The following EFCAB6 variants were observed in gnomAD, a reference collection of about 807,000 sequenced individuals.
EFCAB6 encodes the protein EF-hand calcium binding domain 6.
In EFCAB6, 156 loss-of-function variants were observed where a neutral mutation model predicts 169.8. That is an observed-to-expected ratio of 0.92 (90% CI 0.81 to 1.05). EFCAB6 has a LOEUF of 1.05. Among genes scored for constraint, EFCAB6 ranks in the 50% least tolerant of loss-of-function variants. The pLI is 0.00. For missense variants in EFCAB6, 1,800 were observed against 1,829.1 expected (o/e 0.98, Z 0.29); for synonymous variants, 698 against 676.4 (o/e 1.03, Z -0.50).
chr22:43,788,903 A>G (rs558192743), intron 2 of EFCAB6, among the ~76,000 whole-genome samples: 1 of 152,368 alleles, frequency 6.6e-6, no homozygotes, highest in South Asian at 2.1e-4. Flanking sequence ...TTCAGCCCTA[A>G]AAAGGAATGA....
intron 3 of EFCAB6, among the ~76,000 whole-genome samples, chr22:43,778,564 T>C (rs369629965): frequency 8.3e-4 from 126 of 152,004 alleles, no homozygotes; most frequent in Middle Eastern, 3.4e-3. Flanking sequence ...AGGCCTCCCA[T>C]GAAACCCCCC....
At chr22:43,535,997 C>G (rs1457367536) in intron 29 of EFCAB6, 1 of 152,222 alleles carries the variant, frequency 6.6e-6, no homozygotes, top group Non-Finnish European at 1.5e-5. Flanking sequence ...GGAGAAAATA[C>G]AGAATGACTT....
intron 22 of EFCAB6, among the ~76,000 whole-genome samples, chr22:43,601,700 GGGGAA>G (rs1481941732): frequency 6.6e-6 from 1 of 152,248 alleles, no homozygotes; most frequent in African/African-American, 2.4e-5. Context: ...TTGTCCTCAA[GGGGAA>G]GGGGTGGCAG....
rs1187393551 is a variant in EFCAB6 at position 43,576,343 on chromosome 22, A to C, written c.3374T>G (p.Ile1125Arg). Residue 1125 changes from isoleucine to arginine, a missense_variant, in exon 26 of 32, where the codon ATA (isoleucine) becomes AGA (arginine). By Grantham distance (97) the Ile-to-Arg change is moderately conservative. Transcript: ENST00000262726. ...RKLRIHLTPY[I>R]NWKYFLQNFS... ...GTTCTGGAGAAAATATTTCCAATTTATATAGGGGGTTAGATGAATTCTTAG... is the reference window on the plus strand; with the variant it reads ...GTTCTGGAGAAAATATTTCCAATTTCTATAGGGGGTTAGATGAATTCTTAG... 6.2e-7 allele frequency: 1 copy of C among 1,600,144 alleles called. No homozygotes were observed. The highest frequency in any genetic ancestry group is 1.8e-5 in the Admixed American group (1 of 55,706).
chr22:43,594,289 A>C (rs1331689971), intron 23 of EFCAB6, among the ~76,000 whole-genome samples: 1 of 150,864 alleles, frequency 6.6e-6, no homozygotes, highest in Non-Finnish European at 1.5e-5. Flanking sequence ...AAAAAAAAAA[A>C]AAAAAAAAAG....
At chr22:43,751,892 C>T (rs2060781997) in intron 6 of EFCAB6, among the ~76,000 whole-genome samples, 1 of 152,162 alleles carries the variant, frequency 6.6e-6, no homozygotes, top group African/African-American at 2.4e-5. Flanking sequence ...TCATGGGGTT[C>T]ACCTGGGAAT....
At chr22:43,724,117 A>G (rs1350710106) in intron 8 of EFCAB6, among the ~76,000 whole-genome samples, 1 of 152,146 alleles carries the variant, frequency 6.6e-6, no homozygotes, top group Non-Finnish European at 1.5e-5. Context: ...ATCTCACTGC[A>G]AGTGGCCAAA....
At position 43,572,966 on chromosome 22, in the gene EFCAB6, A is replaced by G. The variant is rs1030171619; in HGVS notation, c.3420+3331T>C. On this transcript the variant is annotated intron_variant, in intron 26 of 31. Coordinates refer to ENST00000262726, the MANE Select transcript of EFCAB6 (RefSeq NM_022785.4). This position sits in a 1 kb window ranked among gnomAD's most constrained non-coding sequence, Gnocchi z 4.0. ...AGATGGAATCCATGCTTTAGAGGAAAATGAAGACCCCAGAGAATGCCAGTG... is the reference window on the plus strand; with the variant it reads ...AGATGGAATCCATGCTTTAGAGGAAGATGAAGACCCCAGAGAATGCCAGTG... 2.0e-5 allele frequency among the ~76,000 whole-genome samples: 3 copies of G among 152,344 alleles called. No homozygotes were observed. Among genetic ancestry groups the G allele is most frequent in the East Asian group, 1.9e-4 (1 of 5,188 alleles).
At chr22:43,535,868 C>T (rs2047356497) in intron 29 of EFCAB6, 1 of 152,184 alleles carries the variant, frequency 6.6e-6, no homozygotes. Context: ...CCCTTGCACA[C>T]AGGGAAGCAG....
intron 27 of EFCAB6, chr22:43,553,469 G>A (rs1477225316): frequency 6.6e-6 from 1 of 152,398 alleles, no homozygotes; most frequent in African/African-American, 2.4e-5. Flanking sequence ...TGTGTTACTT[G>A]GCTGATCAGC....
chr22:43,790,017 G>C (rs903280158), intron 2 of EFCAB6, among the ~76,000 whole-genome samples: 1 of 152,186 alleles, frequency 6.6e-6, no homozygotes, highest in Admixed American at 6.5e-5. Context: ...TCCTCAATTT[G>C]AAGAATCACA....
intron 26 of EFCAB6, among the ~76,000 whole-genome samples, chr22:43,575,707 C>A (rs996480025): frequency 1.3e-5 from 2 of 151,946 alleles, no homozygotes; most frequent in African/African-American, 2.4e-5. Context: ...ATCACAAAAA[C>A]CACAGTGTTT....
intron 3 of EFCAB6, among the ~76,000 whole-genome samples, chr22:43,777,284 C>T (rs1023300827): frequency 2.0e-5 from 3 of 152,186 alleles, no homozygotes; most frequent in East Asian, 1.9e-4. Flanking sequence ...GAAAGGTCCG[C>T]GAGGCAACTG....
intron 27 of EFCAB6, 115 bp from the exon 28 acceptor site, chr22:43,540,472 A>T: frequency 6.4e-7 from 1 of 1,565,004 alleles, no homozygotes; most frequent in Non-Finnish European, 8.6e-7. Flanking sequence ...CACTCACGTG[A>T]CTGGTGAAGA....
In EFCAB6 at chr22:43,537,319, C is replaced by A; in HGVS notation, c.4048+58G>T. On this transcript the variant is annotated intron_variant, in intron 29 of 31. Coordinates refer to ENST00000262726, the MANE Select transcript of EFCAB6 (RefSeq NM_022785.4). This position sits in a 1 kb window ranked among gnomAD's most constrained non-coding sequence, Gnocchi z 4.3. ...GGTGTGGCTTTGTACCCAGTGGGAA[C>A]AGCCTCTTGCCACAGGGGCTGACCA... The A allele has an allele frequency of 6.3e-7, 1 of 1,583,088 alleles. No individual in the cohort carries two copies. The highest frequency in any genetic ancestry group is 1.2e-5 in the South Asian group (1 of 85,920).
chr22:43,708,272 G>A (rs573513400), intron 10 of EFCAB6, among the ~76,000 whole-genome samples: 40 of 152,180 alleles, frequency 2.6e-4, no homozygotes, highest in African/African-American at 9.4e-4. Flanking sequence ...TGGGCATGGT[G>A]GCGCATGCCT....
At chr22:43,589,474 G>A (rs5764616) in intron 24 of EFCAB6, among the ~76,000 whole-genome samples, 11,433 of 151,942 alleles carry the variant, frequency 0.075, 592 homozygotes, top group South Asian at 0.19. Flanking sequence ...CCAAAGTGCT[G>A]GAATAACTTG....
intron 17 of EFCAB6, among the ~76,000 whole-genome samples, chr22:43,644,727 T>G (rs2148004039): frequency 6.6e-6 from 1 of 152,306 alleles, no homozygotes; most frequent in East Asian, 1.9e-4. Flanking sequence ...GCTGGTTTGG[T>G]TTTTGTTTCT....
chr22:43,672,229 A>C lies in EFCAB6; in HGVS notation c.1479+17T>G. 3.1e-6 allele frequency: 5 copies of C among 1,614,186 alleles called. No individual in the cohort carries two copies. The highest frequency in any genetic ancestry group is 4.2e-6 in the Non-Finnish European group (5 of 1,179,996). ...ATATAGGAAGGCATCCACACAAAGAAGGCAAGTGTTACTTACTGAATCCCA... is the reference window on the plus strand; with the variant it reads ...ATATAGGAAGGCATCCACACAAAGACGGCAAGTGTTACTTACTGAATCCCA... On this transcript the variant is annotated intron_variant, in intron 14 of 31. Coordinates refer to ENST00000262726, the MANE Select transcript of EFCAB6 (RefSeq NM_022785.4).
Sources: gnomAD v4.1 joint callset for allele counts (sites outside exome capture counted in the v4.1 genomes callset) on GRCh38, gnomAD v4.1.1 for gene constraint, Gnocchi (gnomAD v3.1) non-coding constraint, MANE v1.5 for transcripts, NCBI Gene and HGNC (gene_info 2026-07-23, HGNC 2026-07-21) for gene names.